The following GPC6 variants were observed in gnomAD, a reference collection of about 807,000 sequenced individuals.
GPC6 encodes the protein glypican 6, also known as glypican-6.
Under a neutral mutation model 55.2 loss-of-function variants are expected in GPC6, and 14 were observed. The observed-to-expected ratio is 0.25, with a 90% confidence interval of 0.17 to 0.40. The LOEUF (loss-of-function observed/expected upper bound fraction) is 0.40, where lower values mean the gene tolerates loss of function less well. Ranked by LOEUF, GPC6 falls within the 10% of genes least tolerant of loss-of-function variation. GPC6 has a pLI of 1.00. For missense variants in GPC6, 641 were observed against 708.5 expected (o/e 0.90, Z 1.08); for synonymous variants, 278 against 259.6 (o/e 1.07, Z -0.68).
At chr13:93,952,255 A>AGGCT (rs1172601643) in intron 3 of GPC6, among the ~76,000 whole-genome samples, 1 of 152,158 alleles carries the variant, frequency 6.6e-6, no homozygotes, top group African/African-American at 2.4e-5. Context: ...ATCTAAAACT[A>AGGCT]GGCTTTTATA....
chr13:93,597,757 G>A (rs986373342), intron 2 of GPC6, among the ~76,000 whole-genome samples: 3 of 152,018 alleles, frequency 2.0e-5, no homozygotes, highest in Non-Finnish European at 2.9e-5. Context: ...TGAAAATATA[G>A]TACATATAAT....
intron 4 of GPC6, among the ~76,000 whole-genome samples, chr13:94,148,446 C>T (rs1887632507): frequency 6.6e-6 from 1 of 152,090 alleles, no homozygotes; most frequent in South Asian, 2.1e-4. Flanking sequence ...TGGAAAGAAA[C>T]ATGTTACATT....
chr13:94,111,521 A>T (rs543338926), intron 4 of GPC6, among the ~76,000 whole-genome samples: 77 of 149,990 alleles, frequency 5.1e-4, no homozygotes, highest in Admixed American at 1.5e-3. Context: ...TAAACTTCTT[A>T]ATTTAAAAAA....
At chr13:93,536,239 T>C (rs1273904234) in intron 1 of GPC6, among the ~76,000 whole-genome samples, 1 of 152,186 alleles carries the variant, frequency 6.6e-6, no homozygotes, top group Non-Finnish European at 1.5e-5. Context: ...GTAAAATATA[T>C]ATAATATAAA....
rs549988042 is a variant in GPC6 at position 93,900,071 on chromosome 13, A to C, written c.711+69526A>C. Among the ~76,000 whole-genome samples the C allele has an allele frequency of 2.6e-5, 4 of 152,272 alleles. 1 individual carries two copies. The South Asian group carries it at 8.3e-4, about 32-fold the overall frequency. ...AATTTCTCAGTTTCATCCTTCAACTATGAGTGTGAGATAGCTGATGAAATT... is the reference window on the plus strand; with the variant it reads ...AATTTCTCAGTTTCATCCTTCAACTCTGAGTGTGAGATAGCTGATGAAATT... On this transcript the variant is annotated intron_variant, in intron 3 of 8. Transcript: ENST00000377047.
chr13:94,041,635 A>G (rs1316688115), intron 4 of GPC6, among the ~76,000 whole-genome samples: 1 of 151,872 alleles, frequency 6.6e-6, no homozygotes, highest in Non-Finnish European at 1.5e-5. Flanking sequence ...ACGATCACTT[A>G]AAATGAAACT....
At position 93,636,304 on chromosome 13, in the gene GPC6, A is replaced by C. The variant is rs1433709432; in HGVS notation, c.319+90883A>C. Among the ~76,000 whole-genome samples the C allele has an allele frequency of 2.6e-5, 4 of 152,206 alleles. No individual in the cohort carries two copies. The East Asian group carries it at 5.8e-4, about 22-fold the overall frequency. ...GGTCAAAGCATTGTTGGGATGAAAT[A>C]AACAATAAATAATGGAAAACAAAAC... On this transcript the variant is annotated intron_variant, in intron 2 of 8. Coordinates refer to ENST00000377047, the MANE Select transcript of GPC6 (RefSeq NM_005708.5).
intron 3 of GPC6, among the ~76,000 whole-genome samples, chr13:93,834,031 C>G (rs906543237): frequency 1.8e-4 from 27 of 152,226 alleles, no homozygotes; most frequent in Non-Finnish European, 5.9e-5. Context: ...ATATCAGGAA[C>G]CTCCATGCAT....
chr13:93,522,696 G>A (rs889355957), intron 1 of GPC6, among the ~76,000 whole-genome samples: 21 of 152,010 alleles, frequency 1.4e-4, no homozygotes, highest in African/African-American at 5.1e-4. Flanking sequence ...TGTAGCCAGT[G>A]TGAGTAACTT....
intron 3 of GPC6, among the ~76,000 whole-genome samples, chr13:93,839,333 AT>A (rs1291105396): frequency 2.0e-5 from 3 of 152,126 alleles, no homozygotes; most frequent in Non-Finnish European, 4.4e-5. Context: ...TTAAAAAAAA[AT>A]CTTTACATCA....
chr13:93,940,768 A>AT (rs577521028), intron 3 of GPC6, among the ~76,000 whole-genome samples: 1 of 152,148 alleles, frequency 6.6e-6, no homozygotes, highest in African/African-American at 2.4e-5. Context: ...TGTGATTTAT[A>AT]TTTTTTTGAA....
intron 2 of GPC6, among the ~76,000 whole-genome samples, chr13:93,623,227 A>G: frequency 6.6e-6 from 1 of 152,118 alleles, no homozygotes; most frequent in East Asian, 1.9e-4. Flanking sequence ...AAAATAATAA[A>G]AAGCCATAGG....
intron 2 of GPC6, among the ~76,000 whole-genome samples, chr13:93,767,510 A>G (rs903958786): frequency 1.2e-4 from 19 of 152,212 alleles, no homozygotes; most frequent in African/African-American, 4.6e-4. Flanking sequence ...TTCTTCAAAC[A>G]AAATGAACTG....
Position 93,227,223 on chromosome 13 carries a change from G to T in GPC6, c.-234G>T. ...TCCATCTGGGGGCTAGAGGAGCAAG[G>T]CAGCAGCCTTCCCAGCCAGCCCTTG... On this transcript the variant is annotated 5_prime_UTR_variant, in exon 1 of 9. Transcript: ENST00000377047. The surrounding 1 kb of genome is among the most constrained non-coding windows in gnomAD (Gnocchi z 4.3). The T allele has an allele frequency of 2.1e-6, 1 of 478,404 alleles. No individual in the cohort carries two copies. The highest frequency in any genetic ancestry group is 3.7e-6 in the Non-Finnish European group (1 of 267,778). The allele number at this position is 478,404 out of a possible 1,614,324, so 29.6% of individuals were successfully genotyped here.
chr13:94,070,894 A>AT (rs1335929232), intron 4 of GPC6, among the ~76,000 whole-genome samples: 2 of 152,130 alleles, frequency 1.3e-5, no homozygotes, highest in Non-Finnish European at 2.9e-5. Context: ...CTGAGCAATT[A>AT]TACCAACAAG....
chr13:94,121,296 C>T (rs763616672), intron 4 of GPC6, among the ~76,000 whole-genome samples: 11 of 152,108 alleles, frequency 7.2e-5, no homozygotes, highest in Non-Finnish European at 1.2e-4. Context: ...GGAATAAAGA[C>T]GGTTGGCATT....
At chr13:93,981,835 C>T (rs1401645832) in intron 3 of GPC6, among the ~76,000 whole-genome samples, 1 of 152,102 alleles carries the variant, frequency 6.6e-6, no homozygotes, top group Non-Finnish European at 1.5e-5. Flanking sequence ...ATTTAGCTAC[C>T]ATTTAGTGGT....
At chr13:93,524,855 G>C (rs1389891542) in intron 1 of GPC6, among the ~76,000 whole-genome samples, 1 of 152,072 alleles carries the variant, frequency 6.6e-6, no homozygotes, top group Non-Finnish European at 1.5e-5. Flanking sequence ...CTGAATGTGT[G>C]TATGTACCTC....
chr13:94,116,681 T>G (rs1416729944), intron 4 of GPC6, among the ~76,000 whole-genome samples: 1 of 152,080 alleles, frequency 6.6e-6, no homozygotes, highest in Non-Finnish European at 1.5e-5. Flanking sequence ...AGCGCTTACG[T>G]TTGTATTCTA....
Sources: allele counts gnomAD v4.1 joint callset (sites outside exome capture counted in the v4.1 genomes callset), GRCh38; gene constraint gnomAD v4.1.1; non-coding constraint Gnocchi (gnomAD v3.1); transcripts MANE v1.5; gene names NCBI Gene and HGNC (gene_info 2026-07-23, HGNC 2026-07-21).